The following ZSCAN18 variants were observed in gnomAD, a reference collection of about 807,000 sequenced individuals.
ZSCAN18 encodes the protein zinc finger and SCAN domain-containing protein 18.
A neutral mutation model predicts 31.1 loss-of-function variants in ZSCAN18; 16 were observed. That is an observed-to-expected ratio of 0.51 (90% CI 0.35 to 0.78). ZSCAN18 has a LOEUF of 0.78. Among genes scored for constraint, ZSCAN18 ranks in the 30% least tolerant of loss-of-function variants. The pLI is 0.01. For synonymous variants in ZSCAN18, 375 were observed against 320.7 expected (o/e 1.17, Z -1.81); for missense variants, 731 against 697.4 (o/e 1.05, Z -0.54).
At chr19:58,109,197 T>A in intron 1 of ZSCAN18, 2 of 1,231,626 alleles carry the variant, frequency 1.6e-6, no homozygotes, top group Middle Eastern at 3.1e-4. Flanking sequence ...CTAATGCAGA[T>A]AAAACAGGAA....
At chr19:58,085,569 TGCA>T in intron 6 of ZSCAN18, 190 bp from the exon 7 acceptor site, 2 of 545,076 alleles carry the variant, frequency 3.7e-6, no homozygotes, top group Non-Finnish European at 6.3e-6. Flanking sequence ...CGCCTGCTGC[TGCA>T]GATGTGGGAC....
chr19:58,104,402 C>CAAAA (rs35400103), intron 1 of ZSCAN18, among the ~76,000 whole-genome samples: 1 of 129,942 alleles, frequency 7.7e-6, no homozygotes, highest in African/African-American at 3.1e-5. Flanking sequence ...CAAAACAAAA[C>CAAAA]AAAAAAAAAG....
rs780115022 is a variant in ZSCAN18 at position 58,085,224 on chromosome 19, C to A, written c.994G>T (p.Ala332Ser). 6.8e-6 allele frequency: 11 copies of A among 1,608,024 alleles called. No homozygotes were observed. The African/African-American group carries it at 8.0e-5, about 12-fold the overall frequency. The change falls in exon 7 of 7, where the codon GCC becomes TCC. Residue 332 changes from alanine to serine, a missense_variant. Ala to Ser is a moderately conservative substitution (Grantham distance 99). Transcript: ENST00000601144. ...TEEEEEQPGK[A>S]PDPQDPQDAE... is the part of the protein sequence containing the mutation. The stretch of plus-strand genomic sequence containing the variant: ...TCCTGGGGGTCCTGCGGGTCCGGGG[C>A]CTTCCCAGGCTGCTCTTCCTCCTCC...
chr19:58,101,834 G>GT (rs71188079), upstream of ZSCAN18, among the ~76,000 whole-genome samples: 1 of 149,120 alleles, frequency 6.7e-6, no homozygotes, highest in African/African-American at 2.5e-5. Flanking sequence ...TTTTTTCTTT[G>GT]TTTTTTGAGA....
Position 58,090,197 on chromosome 19 carries a change from CCCGGCGTGGGCAGAT to C in ZSCAN18, c.56_70del (p.Asp19_Pro23del). 1 of 1,613,668 alleles carries C rather than the reference CCCGGCGTGGGCAGAT, an allele frequency of 6.2e-7. No individual in the cohort carries two copies. Among genetic ancestry groups the C allele is most frequent in the African/African-American group, 1.3e-5 (1 of 75,042 alleles). ...TTCCTGCTGGACTCCGGCTGCTGAC[CCCGGCGTGGGCAGAT>C]CCGGCGGGGCTGGGGAGCTCCTGGG... On this transcript the variant is annotated inframe_deletion, in exon 2 of 7. Coordinates refer to ENST00000601144, the MANE Select transcript of ZSCAN18 (RefSeq NM_001145543.2). The surrounding 1 kb of genome is among the most constrained non-coding windows in gnomAD (Gnocchi z 4.7).
chr19:58,094,828 T>C (rs2074488789), intron 1 of ZSCAN18, among the ~76,000 whole-genome samples: 1 of 134,694 alleles, frequency 7.4e-6, no homozygotes, highest in Non-Finnish European at 1.5e-5. Context: ...CAGTGAGCTG[T>C]GATCACAACA....
intron 1 of ZSCAN18, among the ~76,000 whole-genome samples, chr19:58,091,951 C>T (rs1050361757): frequency 1.4e-4 from 21 of 152,226 alleles, no homozygotes; most frequent in Middle Eastern, 6.8e-3. Flanking sequence ...CTTCTCAGGT[C>T]GTCAAGTTCT....
chr19:58,085,419 AG>A, intron 6 of ZSCAN18, 40 bp from the exon 7 acceptor site: 1 of 1,497,662 alleles, frequency 6.7e-7, no homozygotes, highest in African/African-American at 1.4e-5. Context: ...CGCCCCGCCC[AG>A]GGCCAGGGAG....
intron 1 of ZSCAN18, among the ~76,000 whole-genome samples, chr19:58,117,145 TG>T (rs1171889175): frequency 6.6e-6 from 1 of 152,156 alleles, no homozygotes; most frequent in Non-Finnish European, 1.5e-5. Flanking sequence ...GGTTAAGCCA[TG>T]GGATTTTGGA....
intron 1 of ZSCAN18, 57 bp downstream of exon 1, chr19:58,098,117 T>C (rs1599994429): frequency 1.0e-6 from 1 of 985,258 alleles, no homozygotes; most frequent in African/African-American, 1.7e-5. Flanking sequence ...GTCCTCACCG[T>C]CTACCCTGTT....
In ZSCAN18 at chr19:58,084,642, C is replaced by T. The variant is rs745750512; in HGVS notation, c.*43G>A. 3.0e-4 allele frequency: 432 copies of T among 1,428,500 alleles called. 1 individual carries two copies. Among genetic ancestry groups the T allele is most frequent in the Non-Finnish European group, 3.6e-4 (398 of 1,094,406 alleles). The allele number at this position is 1,428,500 out of a possible 1,614,324, so 88.5% of individuals were successfully genotyped here. A position where few individuals can be genotyped will look rare whatever the true frequency, so the allele number is the denominator to read the frequency against. On this transcript the variant is annotated 3_prime_UTR_variant, in exon 7 of 7. Transcript: ENST00000601144. The surrounding 1 kb of genome is among the most constrained non-coding windows in gnomAD (Gnocchi z 4.5). ...GGCCCAATGCCTCGTCTGGGATTCA[C>T]GGCCGGCAAAGCGGCCCCTCCGGAA...
chr19:58,111,407 T>C (rs958682312), intron 1 of ZSCAN18, among the ~76,000 whole-genome samples: 6 of 152,158 alleles, frequency 3.9e-5, no homozygotes, highest in African/African-American at 1.4e-4. Context: ...AATGCGGTGG[T>C]GTGATCACAG....
rs751724875 is a variant in ZSCAN18, at chr19:58,084,664, G to A, written c.*21C>T. The A allele has an allele frequency of 4.8e-6, 7 of 1,456,798 alleles. No homozygotes were observed. The highest frequency in any genetic ancestry group is 6.3e-6 in the Non-Finnish European group (7 of 1,112,126). The allele number at this position is 1,456,798 out of a possible 1,614,324, so 90.2% of individuals were successfully genotyped here. A position where few individuals can be genotyped will look rare whatever the true frequency, so the allele number is the denominator to read the frequency against. On this transcript the variant is annotated 3_prime_UTR_variant, in exon 7 of 7. Transcript: ENST00000601144. This position sits in a 1 kb window ranked among gnomAD's most constrained non-coding sequence, Gnocchi z 4.5. Reference sequence around the variant, plus strand: ...TCACGGCCGGCAAAGCGGCCCCTCCGGAACGGGACAGCACAGCGGCTCACC... The same window carrying A: ...TCACGGCCGGCAAAGCGGCCCCTCCAGAACGGGACAGCACAGCGGCTCACC...
intron 1 of ZSCAN18, among the ~76,000 whole-genome samples, chr19:58,092,009 TGTGGG>T (rs2074422022): frequency 6.6e-6 from 1 of 152,100 alleles, no homozygotes; most frequent in Non-Finnish European, 1.5e-5. Context: ...ACCTCACCGC[TGTGGG>T]GTGGGGTGTG....
chr19:58,113,316 C>CAA (rs925091354), intron 1 of ZSCAN18, among the ~76,000 whole-genome samples: 1 of 138,470 alleles, frequency 7.2e-6, no homozygotes, highest in African/African-American at 2.7e-5. Context: ...ACTCTGTCTC[C>CAA]AAAAAAAAAA....
intron 4 of ZSCAN18, 99 bp downstream of exon 4, chr19:58,087,217 G>T (rs1027234088): frequency 2.5e-5 from 33 of 1,312,634 alleles, no homozygotes; most frequent in Non-Finnish European, 3.5e-5. Flanking sequence ...CGCTGTGGAC[G>T]TTTGGGGCCA....
At chr19:58,104,261 C>A (rs2074616222) in intron 1 of ZSCAN18, among the ~76,000 whole-genome samples, 1 of 152,142 alleles carries the variant, frequency 6.6e-6, no homozygotes, top group African/African-American at 2.4e-5. Flanking sequence ...CGCCTGTAGT[C>A]CCAGCTACTC....
At chr19:58,115,691 G>A (rs1274297794) in intron 1 of ZSCAN18, among the ~76,000 whole-genome samples, 1 of 152,178 alleles carries the variant, frequency 6.6e-6, no homozygotes, top group Non-Finnish European at 1.5e-5. Flanking sequence ...GCCAAGAGAT[G>A]TGGTGGATCC....
At chr19:58,104,037 T>C (rs909033729) in intron 1 of ZSCAN18, among the ~76,000 whole-genome samples, 3 of 152,186 alleles carry the variant, frequency 2.0e-5, no homozygotes, top group Non-Finnish European at 2.9e-5. Flanking sequence ...AGGTCCTGAC[T>C]CTCTTCATTT....
Sources: gnomAD v4.1 joint callset for allele counts (sites outside exome capture counted in the v4.1 genomes callset) on GRCh38, gnomAD v4.1.1 for gene constraint, Gnocchi (gnomAD v3.1) non-coding constraint, MANE v1.5 for transcripts, NCBI Gene and HGNC (gene_info 2026-07-23, HGNC 2026-07-21) for gene names.